RABL6: variants seen among roughly 807,000 people sequenced by gnomAD.
The protein encoded by RABL6 is RAB, member RAS oncogene family like 6.
Under a neutral mutation model 72.9 loss-of-function variants are expected in RABL6, and 28 were observed. That is an observed-to-expected ratio of 0.38 (90% confidence interval 0.28 to 0.53). RABL6 has a LOEUF of 0.53. Among genes scored for constraint, RABL6 ranks in the 20% least tolerant of loss-of-function variants. The pLI is 0.80. For missense variants in RABL6, 1,029 were observed against 1,008.4 expected, an observed-to-expected ratio of 1.02 and a Z score of -0.28; for synonymous variants, 477 against 421.2, an observed-to-expected ratio of 1.13 and a Z score of -1.62.
At position 136,838,025 on chromosome 9, in the gene RABL6, G is replaced by A. The variant is rs2131204690; in HGVS notation, c.1280+10G>A. 6.4e-7 allele frequency: 1 copy of A among 1,553,800 alleles called. No individual in the cohort carries two copies. Among genetic ancestry groups the A allele is most frequent in the South Asian group, 1.2e-5 (1 of 84,194 alleles). On this transcript the variant is annotated intron_variant, in intron 10 of 14. Coordinates refer to ENST00000311502, the MANE Select transcript of RABL6 (RefSeq NM_024718.5). ...AGCAGGACAGCGACAGGTGAGGGGT[G>A]GGCCTGGGCCTCCTCTCCCATTGCC... is the stretch of plus-strand genomic sequence containing the variant.
rs1848370946 is a variant in RABL6 at position 136,826,900 on chromosome 9, T to A, written c.313+1074T>A. On this transcript the variant is annotated intron_variant, in intron 3 of 14. Coordinates refer to ENST00000311502, the MANE Select transcript of RABL6 (RefSeq NM_024718.5). The surrounding 1 kb of genome is among the most constrained non-coding windows in gnomAD (Gnocchi z 4.9). ...TGGCTTCCTGGGTCTGTCCTTGGCG[T>A]GGAGCGGGCACAGGCTTCCCGTAGA... is the stretch of plus-strand genomic sequence containing the variant. 1.3e-5 allele frequency: 2 copies of A among 152,318 alleles called. No homozygotes were observed. Among genetic ancestry groups the A allele is most frequent in the Non-Finnish European group, 2.9e-5 (2 of 68,190 alleles). The allele number at this position is 152,318 out of a possible 1,614,324, so 9.4% of individuals were successfully genotyped here.
intron 1 of RABL6, among the ~76,000 whole-genome samples, chr9:136,819,993 A>T (rs1207341494): frequency 6.6e-6 from 1 of 152,190 alleles, no homozygotes; most frequent in Non-Finnish European, 1.5e-5. Context: ...GCCTGAGCTC[A>T]GGAGTTTGAG....
rs1281869937 is a variant in RABL6 at position 136,840,994 on chromosome 9, AG to A, written c.*475del. ...ACACGGGTGTGCAGACTCACCCTAA[AG>A]GGCGGCCCAGGCCCCACGCTAGAAG... On this transcript the variant is annotated 3_prime_UTR_variant, in exon 15 of 15. Coordinates refer to ENST00000311502, the MANE Select transcript of RABL6 (RefSeq NM_024718.5). 1 of 1,444,614 alleles carries A rather than the reference AG, an allele frequency of 6.9e-7. No individual in the cohort carries two copies. Among genetic ancestry groups the A allele is most frequent in the Admixed American group, 2.9e-5 (1 of 34,932 alleles). The allele number at this position is 1,444,614 out of a possible 1,614,324, so 89.5% of individuals were successfully genotyped here.
intron 8 of RABL6, chr9:136,837,093 T>A: frequency 1.6e-6 from 1 of 634,666 alleles, no homozygotes; most frequent in South Asian, 1.7e-5. Flanking sequence ...GCCAGGACGG[T>A]CTCCACCTCC....
chr9:136,837,394 G>A lies in RABL6; in HGVS notation c.858G>A (p.Leu286=), dbSNP rs1848602273. The part of the protein sequence containing the change: ...EARSRGHASP[L]AANGQSPSPG... ...GCAGCCGTGGCCATGCGTCCCCACT[G>A]GCGGCCAACGGGCAGAGCCCATCCC... Residue 286 remains leucine, a synonymous_variant, in exon 9 of 15, where the codon CTG becomes CTA. Transcript: ENST00000311502. The A allele has an allele frequency of 6.3e-7, 1 of 1,598,504 alleles. No individual in the cohort carries two copies. Among genetic ancestry groups the A allele is most frequent in the Non-Finnish European group, 8.5e-7 (1 of 1,173,612 alleles).
rs79408048 is a variant in RABL6, at chr9:136,821,057, G to A, written c.131-2468G>A. ...TCTGCAGAAGCCAAACTGGCCAGAT[G>A]CCTGGAATGAGCTCCCCGCGTTCAT... is the stretch of plus-strand genomic sequence containing the variant. On this transcript the variant is annotated intron_variant, in intron 1 of 14. Transcript: ENST00000311502. Among the ~76,000 whole-genome samples the A allele has an allele frequency of 2.3e-4, 35 of 152,336 alleles. No individual in the cohort carries two copies. In the East Asian group the frequency reaches 5.2e-3, roughly 23 times the overall value.
Position 136,839,313 on chromosome 9 carries a change from G to C in RABL6, c.1585G>C (p.Gly529Arg). ...GCCAGGCGGTGTCTCTGTTCGCACAGGTCCGGAGAAGCGCAGCAGCACCAG... is the reference window on the plus strand; with the variant it reads ...GCCAGGCGGTGTCTCTGTTCGCACACGTCCGGAGAAGCGCAGCAGCACCAG... The part of the protein sequence containing the change: ...PWPGGVSVRT[G>R]PEKRSSTRPP... The change falls in exon 12 of 15, where the codon GGT (glycine) becomes CGT (arginine). Residue 529 changes from glycine (G) to arginine (R), a missense_variant. Transcript: ENST00000311502. 1 of 1,612,462 alleles carries C rather than the reference G, an allele frequency of 6.2e-7. No homozygotes were observed. The highest frequency in any genetic ancestry group is 1.1e-5 in the South Asian group (1 of 91,000).
chr9:136,834,814 G>A (rs1346574131), intron 7 of RABL6, among the ~76,000 whole-genome samples: 13 of 151,872 alleles, frequency 8.6e-5, no homozygotes, highest in Admixed American at 5.9e-4. Flanking sequence ...CAGGCTGGGC[G>A]CAGTGGCTCA....
At chr9:136,810,632 C>T (rs944485367) in intron 1 of RABL6, among the ~76,000 whole-genome samples, 3 of 152,148 alleles carry the variant, frequency 2.0e-5, no homozygotes, top group African/African-American at 2.4e-5. Context: ...AGCTCCTCCT[C>T]CCGGGTTCAC....
rs1412440784 is a variant in RABL6, at chr9:136,808,123, G to A, written c.-74G>A. 3 of 1,414,458 alleles carry A rather than the reference G, an allele frequency of 2.1e-6. No individual in the cohort carries two copies. Among genetic ancestry groups the A allele is most frequent in the Non-Finnish European group, 2.8e-6 (3 of 1,072,244 alleles). The allele number at this position is 1,414,458 out of a possible 1,614,324, so 87.6% of individuals were successfully genotyped here. A position where few individuals can be genotyped will look rare whatever the true frequency, so the allele number is the denominator to read the frequency against. ...GGGGGGCCGGGGCCGCCGGGACATG[G>A]TGCCAGTCGCACCCCTTCCCCGCCG... On this transcript the variant is annotated 5_prime_UTR_variant, in exon 1 of 15. In the 5' UTR this introduces an upstream ATG that the reference lacks. Coordinates refer to ENST00000311502, the MANE Select transcript of RABL6 (RefSeq NM_024718.5).
rs778242861 is a variant in RABL6 at position 136,839,342 on chromosome 9, C to T, written c.1614C>T (p.Pro538=). Residue 538 remains proline (P), a synonymous_variant, in exon 12 of 15, where the codon CCC becomes CCT. Coordinates refer to ENST00000311502, the MANE Select transcript of RABL6 (RefSeq NM_024718.5). ...TGPEKRSSTR[P]PAEMEPGKGE... ...CGGAGAAGCGCAGCAGCACCAGGCC[C>T]CCTGCTGAGATGGAGCCGGGGAAGG... 15 of 1,612,564 alleles carry T rather than the reference C, an allele frequency of 9.3e-6. No homozygotes were observed. The highest frequency in any genetic ancestry group is 1.3e-5 in the Non-Finnish European group (15 of 1,179,788).
Position 136,838,949 on chromosome 9 carries a change from T to A in RABL6, c.1321T>A (p.Phe441Ile). Residue 441 changes from phenylalanine to isoleucine, a missense_variant, in exon 11 of 15, where the codon TTC (phenylalanine) becomes ATC (isoleucine). Coordinates refer to ENST00000311502, the MANE Select transcript of RABL6 (RefSeq NM_024718.5). ...GGGCGGCAACCCGATGGTGGCAGGG[T>A]TCCAGGACGATGTGGACCTCGAAGA... ...ALGGNPMVAG[F>I]QDDVDLEDQP... The A allele has an allele frequency of 5.0e-6, 8 of 1,609,548 alleles. No individual in the cohort carries two copies. The highest frequency in any genetic ancestry group is 6.8e-6 in the Non-Finnish European group (8 of 1,178,612).
In RABL6 at chr9:136,809,510, C is replaced by T. The variant is rs117836867; in HGVS notation, c.130+1184C>T. On this transcript the variant is annotated intron_variant, in intron 1 of 14. Coordinates refer to ENST00000311502, the MANE Select transcript of RABL6 (RefSeq NM_024718.5). ...TTGGTGTCCGGGCCGGGCACGGTGG[C>T]TCATGCCTGTAATCCCAGCACTTTG... The T allele has an allele frequency of 6.5e-3, 1,566 of 241,324 alleles. 19 individuals are homozygous for T. Among genetic ancestry groups the T allele is most frequent in the East Asian group, 0.049 (330 of 6,728 alleles). 14.9% of individuals were successfully genotyped at this position (241,324 alleles called of 1,614,324 possible). A position where few individuals can be genotyped will look rare whatever the true frequency, so the allele number is the denominator to read the frequency against.
intron 1 of RABL6, chr9:136,822,197 G>GT (rs1359139137): frequency 1.1e-6 from 1 of 907,368 alleles, no homozygotes; most frequent in South Asian, 1.7e-5. Flanking sequence ...GAAAACCTGG[G>GT]GGGGGCGTTG....
chr9:136,829,545 C>A, intron 5 of RABL6, 61 bp downstream of exon 5: 1 of 1,416,048 alleles, frequency 7.1e-7, no homozygotes, highest in Non-Finnish European at 9.8e-7. Flanking sequence ...CCCTTGGGCG[C>A]CCTCTTTGTG....
chr9:136,813,134 A>C (rs570842854), intron 1 of RABL6: 14 of 435,224 alleles, frequency 3.2e-5, no homozygotes, highest in African/African-American at 2.1e-4. Flanking sequence ...GTGTCCTCAG[A>C]CAGGCCTTTG....
Position 136,835,576 on chromosome 9 carries a change from C to A in RABL6, c.706-166C>A. The A allele has an allele frequency of 5.0e-6, 3 of 604,682 alleles. No individual in the cohort carries two copies. The South Asian group carries it at 6.5e-5, about 13-fold the overall frequency. 37.5% of individuals were successfully genotyped at this position (604,682 alleles called of 1,614,324 possible). ...AGGAATCCTCTGGGCTTCTGTGGTT[C>A]AAGTGGGGCCCAGCGCAGAGCTCCA... On this transcript the variant is annotated intron_variant, in intron 7 of 14. Transcript: ENST00000311502.
chr9:136,813,280 GTGCATGCACACCCTTTAGATT>G, intron 1 of RABL6: 1 of 592,316 alleles, frequency 1.7e-6, no homozygotes, highest in East Asian at 3.0e-5. Flanking sequence ...CGAACTGTAA[GTGCATGCACACCCTTTAGATT>G]TGCCATTTTG....
chr9:136,818,799 C>T (rs547257651), intron 1 of RABL6, among the ~76,000 whole-genome samples: 1 of 151,472 alleles, frequency 6.6e-6, no homozygotes, highest in Admixed American at 6.6e-5. Context: ...CAGTGGTGAT[C>T]ATGATTTATA....
Sources: allele counts gnomAD v4.1 joint callset (sites outside exome capture counted in the v4.1 genomes callset), GRCh38; gene constraint gnomAD v4.1.1; non-coding constraint Gnocchi (gnomAD v3.1); transcripts MANE v1.5; gene names NCBI Gene and HGNC (gene_info 2026-07-23, HGNC 2026-07-21).